The following EVC variants were observed in gnomAD, a reference collection of about 807,000 sequenced individuals.
The protein encoded by EVC is EvC ciliary complex subunit 1.
In EVC, 116 loss-of-function variants were observed where a neutral mutation model predicts 118.9. The observed-to-expected ratio is 0.98, with a 90% confidence interval of 0.84 to 1.14. EVC has a LOEUF of 1.14. EVC is among the 50% of genes most tolerant of loss of function. The probability of loss-of-function intolerance (pLI) is 0.00; values close to 1 mark genes in which losing one functional copy is unlikely to be tolerated. For missense variants in EVC, 1,401 were observed against 1,246.4 expected (o/e 1.12, Z -1.87); for synonymous variants, 619 against 534.7 (o/e 1.16, Z -2.18).
rs905661502 is a variant in EVC, at chr4:5,791,809, G to T, written c.1777-1799G>T. ...CACCATACCTGAACACAGACCCAAC[G>T]TGAACACTGTCCAACTCCCCACCCC... On this transcript the variant is annotated intron_variant, in intron 12 of 20. Coordinates refer to ENST00000264956, the MANE Select transcript of EVC (RefSeq NM_153717.3). Among the ~76,000 whole-genome samples the T allele has an allele frequency of 2.0e-5, 3 of 152,090 alleles. No individual in the cohort carries two copies. In the East Asian group the frequency reaches 5.8e-4, roughly 29 times the overall value.
At chr4:5,729,642 C>T (rs1055808580) in intron 3 of EVC, among the ~76,000 whole-genome samples, 1 of 152,114 alleles carries the variant, frequency 6.6e-6, no homozygotes, top group Non-Finnish European at 1.5e-5. Flanking sequence ...TCCCTCTCTG[C>T]CTTTTTAACA....
intron 11 of EVC, among the ~76,000 whole-genome samples, chr4:5,760,471 G>A (rs1314535215): frequency 6.6e-6 from 1 of 152,082 alleles, no homozygotes; most frequent in African/African-American, 2.4e-5. Context: ...GGAGGTATAT[G>A]AAATGTACTG....
chr4:5,733,454 A>G lies in EVC; in HGVS notation c.702+19A>G, dbSNP rs2151946319. On this transcript the variant is annotated intron_variant, in intron 5 of 20. Transcript: ENST00000264956. Reference sequence around the variant, plus strand: ...GCATATGGTAGGTGGAGATGTTCGCATTCCCTCCTTTTCATGGGGACAGGA... The same window carrying G: ...GCATATGGTAGGTGGAGATGTTCGCGTTCCCTCCTTTTCATGGGGACAGGA... The G allele has an allele frequency of 6.2e-7, 1 of 1,604,144 alleles. No homozygotes were observed. The highest frequency in any genetic ancestry group is 1.3e-5 in the African/African-American group (1 of 74,860).
Position 5,808,277 on chromosome 4 carries a change from C to G in EVC, c.2638C>G (p.Gln880Glu), listed in dbSNP as rs745807857. 4 of 1,614,222 alleles carry G rather than the reference C, an allele frequency of 2.5e-6. No homozygotes were observed. Among genetic ancestry groups the G allele is most frequent in the Admixed American group, 1.7e-5 (1 of 60,024 alleles). The change falls in exon 18 of 21, where the codon CAG (glutamine) becomes GAG (glutamate). Residue 880 changes from glutamine to glutamate, a missense_variant. By Grantham distance (29) the Gln-to-Glu change is conservative. Coordinates refer to ENST00000264956, the MANE Select transcript of EVC (RefSeq NM_153717.3). ...QQMRLHAQQQ[Q>E]AGVMDLLEAQ... ...GATGCGTCTGCACGCCCAGCAGCAG[C>G]AGGCAGGAGTCATGGACCTTCTGGA...
Position 5,711,277 on chromosome 4 carries a change from C to A in EVC, c.-104C>A. On this transcript the variant is annotated 5_prime_UTR_variant, in exon 1 of 21. Transcript: ENST00000264956. The stretch of plus-strand genomic sequence containing the variant: ...CAGGCCAGAAAGTCTGCGGAGCGGG[C>A]CGCGCCCCTGGCCCGCCCGGGCTCC... 1.3e-6 allele frequency: 1 copy of A among 769,924 alleles called. No homozygotes were observed. The highest frequency in any genetic ancestry group is 1.6e-6 in the Non-Finnish European group (1 of 632,406). The allele number at this position is 769,924 out of a possible 1,614,324, so 47.7% of individuals were successfully genotyped here.
rs369611343 is a variant in EVC, at chr4:5,793,595, G to C, written c.1777-13G>C. The C allele has an allele frequency of 7.3e-5, 113 of 1,550,370 alleles. No individual in the cohort carries two copies. Among genetic ancestry groups the C allele is most frequent in the Non-Finnish European group, 9.8e-5 (112 of 1,145,948 alleles). On this transcript the variant is annotated splice_polypyrimidine_tract_variant and intron_variant, in intron 12 of 20. Transcript: ENST00000264956. ...AACCACATGCCTGCTCTGTCCCTCT[G>C]TCCCGAGTTCAGGTGTGGATGGAGG...
At chr4:5,766,387 G>C (rs1732867120) in intron 11 of EVC, among the ~76,000 whole-genome samples, 1 of 136,224 alleles carries the variant, frequency 7.3e-6, no homozygotes, top group Non-Finnish European at 1.6e-5. Flanking sequence ...GTGTCTTGGA[G>C]TTGCTCTTCT....
intron 12 of EVC, among the ~76,000 whole-genome samples, chr4:5,792,147 A>G (rs1712909734): frequency 6.6e-6 from 1 of 152,238 alleles, no homozygotes; most frequent in South Asian, 2.1e-4. Context: ...TAATATCTAG[A>G]AAAGACAAGA....
At chr4:5,757,594 G>A (rs1438471138) in intron 11 of EVC, among the ~76,000 whole-genome samples, 1 of 152,236 alleles carries the variant, frequency 6.6e-6, no homozygotes, top group Non-Finnish European at 1.5e-5. Flanking sequence ...CTTGCAGACA[G>A]CTGCCTTCCC....
rs781636545 is a variant in EVC at position 5,752,853 on chromosome 4, G to A, written c.1116G>A (p.Thr372=). 9 of 1,614,212 alleles carry A rather than the reference G, an allele frequency of 5.6e-6. No individual in the cohort carries two copies. The highest frequency in any genetic ancestry group is 1.1e-5 in the South Asian group (1 of 91,082). Residue 372 remains threonine (T), a synonymous_variant, in exon 9 of 21, where the codon ACG becomes ACA. Coordinates refer to ENST00000264956, the MANE Select transcript of EVC (RefSeq NM_153717.3). The part of the protein sequence containing the change: ...ELQALDALER[T]MGRAHMAKVI... ...TTTTGCAGGACGCCCTGGAGAGGACGATGGGGCGGGCGCACATGGCAAAAG... is the reference window on the plus strand; with the variant it reads ...TTTTGCAGGACGCCCTGGAGAGGACAATGGGGCGGGCGCACATGGCAAAAG...
chr4:5,740,784 A>G (rs1728431852), intron 5 of EVC, among the ~76,000 whole-genome samples: 1 of 152,222 alleles, frequency 6.6e-6, no homozygotes, highest in African/African-American at 2.4e-5. Flanking sequence ...AAGGACATGA[A>G]CAGATATTTC....
intron 12 of EVC, among the ~76,000 whole-genome samples, chr4:5,788,482 T>C (rs1420634291): frequency 6.6e-6 from 1 of 152,196 alleles, no homozygotes; most frequent in Non-Finnish European, 1.5e-5. Flanking sequence ...GAAGTCTCCA[T>C]TTAGATGATT....
chr4:5,740,685 A>C (rs1264501839), intron 5 of EVC, among the ~76,000 whole-genome samples: 1 of 152,180 alleles, frequency 6.6e-6, no homozygotes, highest in Non-Finnish European at 1.5e-5. Flanking sequence ...TTTGCAAAAC[A>C]GATGTCCACC....
At chr4:5,759,651 T>G (rs1333533375) in intron 11 of EVC, among the ~76,000 whole-genome samples, 1 of 152,186 alleles carries the variant, frequency 6.6e-6, no homozygotes, top group African/African-American at 2.4e-5. Context: ...ACAGGTTAGA[T>G]CACTTGCTCA....
chr4:5,765,157 T>C (rs1209552082), intron 11 of EVC, among the ~76,000 whole-genome samples: 1 of 118,204 alleles, frequency 8.5e-6, no homozygotes, highest in East Asian at 2.7e-4. Flanking sequence ...CATTTTGTTA[T>C]GTATCCAGTA....
chr4:5,712,388 T>G (rs1312155658), intron 1 of EVC, among the ~76,000 whole-genome samples: 2 of 152,254 alleles, frequency 1.3e-5, no homozygotes, highest in African/African-American at 4.8e-5. Context: ...AGGGTCGGGG[T>G]GGCTGCCTGA....
At chr4:5,753,663 G>A in intron 9 of EVC, 122 bp from the exon 10 acceptor site, 1 of 1,286,980 alleles carries the variant, frequency 7.8e-7, no homozygotes, top group South Asian at 1.2e-5. Context: ...CAGCAGGGCG[G>A]GCACCATCTC....
the EVC span, chr4:5,824,771 G>C: frequency 1.0e-6 from 1 of 983,568 alleles, no homozygotes; most frequent in South Asian, 4.7e-5. Context: ...AGCACGGTGT[G>C]CAACCCATGC....
At chr4:5,787,897 C>T (rs1712004707) in intron 12 of EVC, among the ~76,000 whole-genome samples, 1 of 152,184 alleles carries the variant, frequency 6.6e-6, no homozygotes, top group Non-Finnish European at 1.5e-5. Flanking sequence ...GCCGAGCTTT[C>T]AGGCCTCCTC....
Sources: gnomAD v4.1 joint callset for allele counts (sites outside exome capture counted in the v4.1 genomes callset) on GRCh38, gnomAD v4.1.1 for gene constraint, MANE v1.5 for transcripts, NCBI Gene and HGNC (gene_info 2026-07-23, HGNC 2026-07-21) for gene names.